The following MAGI2 variants were observed in gnomAD, a reference collection of about 807,000 sequenced individuals.
The protein encoded by MAGI2 is membrane-associated guanylate kinase, WW and PDZ domain-containing protein 2.
MAGI2 carries 35 observed loss-of-function variants against 133.3 expected under a neutral mutation model. That is an observed-to-expected ratio of 0.26 (90% CI 0.20 to 0.35). The LOEUF (loss-of-function observed/expected upper bound fraction) is 0.35. Ranked by LOEUF, MAGI2 falls within the 10% of genes least tolerant of loss-of-function variation. The pLI is 1.00. For synonymous variants in MAGI2, 729 were observed against 710.6 expected, an observed-to-expected ratio of 1.03 and a Z score of -0.41; for missense variants, 1,636 against 1,863.4, an observed-to-expected ratio of 0.88 and a Z score of 2.25.
At chr7:79,156,310 A>T (rs1346261262) in intron 1 of MAGI2, among the ~76,000 whole-genome samples, 1 of 152,090 alleles carries the variant, frequency 6.6e-6, no homozygotes, top group African/African-American at 2.4e-5. Context: ...TGTGGGGGAA[A>T]ATTTGCATCT....
chr7:78,241,434 G>C (rs1791125809), intron 10 of MAGI2, among the ~76,000 whole-genome samples: 1 of 151,972 alleles, frequency 6.6e-6, no homozygotes, highest in Non-Finnish European at 1.5e-5. Flanking sequence ...GCTTAGGATG[G>C]GGTATCTTGT....
At chr7:79,000,933 T>C (rs1806794396) in intron 2 of MAGI2, among the ~76,000 whole-genome samples, 1 of 152,202 alleles carries the variant, frequency 6.6e-6, no homozygotes, top group African/African-American at 2.4e-5. Context: ...TTCACTGTTT[T>C]TTGAGATGGA....
chr7:79,430,143 G>A (rs578192127), intron 1 of MAGI2, among the ~76,000 whole-genome samples: 15 of 151,882 alleles, frequency 9.9e-5, no homozygotes, highest in Non-Finnish European at 1.5e-4. Flanking sequence ...TGCTAAATAG[G>A]AAATATCCAG....
intron 2 of MAGI2, among the ~76,000 whole-genome samples, chr7:78,886,989 TG>T: frequency 6.6e-6 from 1 of 152,260 alleles, no homozygotes; most frequent in East Asian, 1.9e-4. Context: ...CTCCCTTTGC[TG>T]GGCACTTCTC....
At chr7:78,268,925 T>C (rs1039657319) in intron 9 of MAGI2, among the ~76,000 whole-genome samples, 2 of 152,150 alleles carry the variant, frequency 1.3e-5, no homozygotes, top group African/African-American at 4.8e-5. Flanking sequence ...CCTAATGCTA[T>C]CCCTCAACCA....
chr7:78,414,453 G>A (rs1176817033), intron 6 of MAGI2, among the ~76,000 whole-genome samples: 1 of 151,910 alleles, frequency 6.6e-6, no homozygotes, highest in African/African-American at 2.4e-5. Flanking sequence ...TAATATTGTT[G>A]TTGGGCTTTA....
chr7:78,775,320 T>TAAAAAAA lies in MAGI2; in HGVS notation c.419-148088_419-148082dup, dbSNP rs3086258. Reference sequence around the variant, plus strand: ...AGAGCGAGACTCTGTCGTCTCAAATTAAAAAAAAAAAAAAAAAAAAAAAAA... The same window carrying TAAAAAAA: ...AGAGCGAGACTCTGTCGTCTCAAATTAAAAAAAAAAAAAAAAAAAAAAAAAAAAAAAA... On this transcript the variant is annotated intron_variant, in intron 2 of 21. Coordinates refer to ENST00000354212, the MANE Select transcript of MAGI2 (RefSeq NM_012301.4). Among the ~76,000 whole-genome samples, 7 of 57,378 alleles carry TAAAAAAA rather than the reference T, an allele frequency of 1.2e-4. 2 individuals carry two copies. The highest frequency in any genetic ancestry group is 2.1e-4 in the African/African-American group (3 of 14,372). 37.6% of individuals were successfully genotyped at this position (57,378 alleles called of 152,430 possible). A position where few individuals can be genotyped will look rare whatever the true frequency, so the allele number is the denominator to read the frequency against.
At chr7:78,859,698 A>C (rs1320011294) in intron 2 of MAGI2, among the ~76,000 whole-genome samples, 1 of 117,882 alleles carries the variant, frequency 8.5e-6, no homozygotes, top group Non-Finnish European at 1.9e-5. Flanking sequence ...CAACTTTGTT[A>C]ATCTGACAAT....
intron 1 of MAGI2, among the ~76,000 whole-genome samples, chr7:79,314,374 G>A (rs974404469): frequency 2.6e-5 from 4 of 152,148 alleles, no homozygotes; most frequent in Non-Finnish European, 4.4e-5. Context: ...CTCCCAAAGT[G>A]CTGAGATTAC....
chr7:78,896,127 T>C (rs572012425), intron 2 of MAGI2, among the ~76,000 whole-genome samples: 1 of 152,312 alleles, frequency 6.6e-6, no homozygotes, highest in Non-Finnish European at 1.5e-5. Flanking sequence ...ACAAATCAAG[T>C]TAATTTGGGA....
intron 2 of MAGI2, among the ~76,000 whole-genome samples, chr7:78,680,311 G>T (rs1019840421): frequency 2.6e-5 from 4 of 152,128 alleles, no homozygotes; most frequent in African/African-American, 9.7e-5. Context: ...AGCATGTATT[G>T]AAATGGAGTA....
chr7:78,153,569 T>A (rs1563188974), intron 16 of MAGI2, among the ~76,000 whole-genome samples: 1 of 152,226 alleles, frequency 6.6e-6, no homozygotes, highest in Non-Finnish European at 1.5e-5. Context: ...TTGTTTAAGA[T>A]AATTTCTTGA....
chr7:78,981,705 C>G (rs1290230304), intron 2 of MAGI2, among the ~76,000 whole-genome samples: 1 of 151,774 alleles, frequency 6.6e-6, no homozygotes, highest in East Asian at 1.9e-4. Flanking sequence ...TGTGGGAGCC[C>G]ATGGCACCCT....
intron 1 of MAGI2, among the ~76,000 whole-genome samples, chr7:79,345,926 C>A (rs187174217): frequency 2.6e-5 from 4 of 152,054 alleles, no homozygotes; most frequent in Non-Finnish European, 4.4e-5. Context: ...TGTGAAGAGG[C>A]GTATTAAATG....
At chr7:78,196,181 CCTCT>C (rs966317781) in intron 11 of MAGI2, among the ~76,000 whole-genome samples, 1 of 152,170 alleles carries the variant, frequency 6.6e-6, no homozygotes, top group Middle Eastern at 3.4e-3. Context: ...TCTTCCTTCC[CCTCT>C]CTCATTTCAC....
chr7:79,230,117 T>C (rs1050934634), intron 1 of MAGI2, among the ~76,000 whole-genome samples: 3 of 151,680 alleles, frequency 2.0e-5, no homozygotes, highest in African/African-American at 7.3e-5. Flanking sequence ...ACAAAGGACA[T>C]GAACTCATCA....
At chr7:78,834,609 G>A (rs367573164) in intron 2 of MAGI2, among the ~76,000 whole-genome samples, 1 of 152,178 alleles carries the variant, frequency 6.6e-6, no homozygotes, top group Non-Finnish European at 1.5e-5. Flanking sequence ...TGCTTCCACT[G>A]TTTGTCCATT....
At chr7:78,834,045 C>G (rs1195464243) in intron 2 of MAGI2, among the ~76,000 whole-genome samples, 1 of 152,136 alleles carries the variant, frequency 6.6e-6, no homozygotes, top group Non-Finnish European at 1.5e-5. Flanking sequence ...TTTGCCCAAG[C>G]TAGAGTGCAG....
intron 20 of MAGI2, among the ~76,000 whole-genome samples, chr7:78,124,429 G>T (rs189566644): frequency 5.9e-5 from 9 of 152,296 alleles, no homozygotes; most frequent in Admixed American, 2.6e-4. Flanking sequence ...TTGTGGTAGT[G>T]GGGAGAAACA....
Sources: allele counts gnomAD v4.1 joint callset (sites outside exome capture counted in the v4.1 genomes callset), GRCh38; gene constraint gnomAD v4.1.1; transcripts MANE v1.5; gene names NCBI Gene and HGNC (gene_info 2026-07-23, HGNC 2026-07-21).